ERP44: variants seen among roughly 807,000 people sequenced by gnomAD.
The protein encoded by ERP44 is endoplasmic reticulum protein 44.
In ERP44, 25 loss-of-function variants were observed where a neutral mutation model predicts 53.4. That is an observed-to-expected ratio of 0.47 (90% CI 0.34 to 0.65). ERP44 has a LOEUF of 0.65. ERP44 is among the 30% of genes least tolerant of loss of function. The probability of loss-of-function intolerance (pLI) is 0.01; values close to 1 mark genes in which losing one functional copy is unlikely to be tolerated. For missense variants in ERP44, 338 were observed against 493.2 expected, an observed-to-expected ratio of 0.69 and a Z score of 2.98; for synonymous variants, 145 against 161.2, an observed-to-expected ratio of 0.90 and a Z score of 0.76.
chr9:100,081,826 T>C (rs1319689923), intron 1 of ERP44, among the ~76,000 whole-genome samples: 2 of 152,052 alleles, frequency 1.3e-5, no homozygotes, highest in Non-Finnish European at 2.9e-5. Context: ...ACAAAGCAAT[T>C]AGGAAAAACG....
At chr9:100,073,685 C>G (rs1472432914) in intron 1 of ERP44, among the ~76,000 whole-genome samples, 1 of 152,156 alleles carries the variant, frequency 6.6e-6, no homozygotes, top group East Asian at 1.9e-4. Flanking sequence ...TTGACAAATA[C>G]ACAGCAACAG....
At chr9:100,027,706 AC>A (rs1354495186) in intron 4 of ERP44, among the ~76,000 whole-genome samples, 1 of 152,016 alleles carries the variant, frequency 6.6e-6, no homozygotes, top group Non-Finnish European at 1.5e-5. Flanking sequence ...CCTCACTAAT[AC>A]CCAGCAGGGT....
chr9:100,043,350 A>G (rs1210704372), intron 4 of ERP44, among the ~76,000 whole-genome samples: 2 of 150,224 alleles, frequency 1.3e-5, no homozygotes, highest in African/African-American at 4.9e-5. Flanking sequence ...AAACTAATTT[A>G]ATTGTACTTT....
intron 10 of ERP44, 130 bp from the exon 11 acceptor site, chr9:99,985,199 G>T (rs930487288): frequency 3.3e-6 from 2 of 611,876 alleles, no homozygotes; most frequent in Non-Finnish European, 5.8e-6. Context: ...TGCAGGCCAG[G>T]TATGTGTGAA....
intron 2 of ERP44, 115 bp downstream of exon 2, chr9:100,059,985 C>A: frequency 1.2e-6 from 1 of 856,746 alleles, no homozygotes; most frequent in Non-Finnish European, 1.6e-6. Flanking sequence ...AATCAGAATG[C>A]CAGCTCTTCA....
chr9:100,089,279 T>C (rs897897112), intron 1 of ERP44, among the ~76,000 whole-genome samples: 2 of 152,160 alleles, frequency 1.3e-5, no homozygotes, highest in Non-Finnish European at 2.9e-5. Flanking sequence ...ATGCTGGCAA[T>C]TAAGATATGC....
In ERP44 at chr9:99,979,687, G is replaced by A. The variant is rs918541651; in HGVS notation, c.*2925C>T. On this transcript the variant is annotated 3_prime_UTR_variant, in exon 12 of 12. Coordinates refer to ENST00000262455, the MANE Select transcript of ERP44 (RefSeq NM_015051.3). The stretch of plus-strand genomic sequence containing the variant: ...CCCTTTTGGTTCTGGGGACTCAACC[G>A]TGTTCTTCAGTCTGGTCTTGCATCC... 2.0e-5 allele frequency: 7 copies of A among 350,764 alleles called. No individual in the cohort carries two copies. Among genetic ancestry groups the A allele is most frequent in the Non-Finnish European group, 3.1e-5 (6 of 196,406 alleles). The allele number at this position is 350,764 out of a possible 1,614,324, so 21.7% of individuals were successfully genotyped here. A position where few individuals can be genotyped will look rare whatever the true frequency, so the allele number is the denominator to read the frequency against.
intron 1 of ERP44, among the ~76,000 whole-genome samples, chr9:100,080,339 G>A (rs1234166144): frequency 2.0e-5 from 3 of 152,058 alleles, no homozygotes; most frequent in Non-Finnish European, 4.4e-5. Flanking sequence ...CTTTAGGACT[G>A]AACATCTGCT....
intron 3 of ERP44, among the ~76,000 whole-genome samples, chr9:100,057,597 T>G (rs966329855): frequency 1.3e-5 from 2 of 152,232 alleles, no homozygotes; most frequent in African/African-American, 4.8e-5. Flanking sequence ...AGTTATATGT[T>G]ACTTGTTTTA....
At chr9:100,074,449 T>C (rs531070041) in intron 1 of ERP44, among the ~76,000 whole-genome samples, 1 of 152,348 alleles carries the variant, frequency 6.6e-6, no homozygotes, top group African/African-American at 2.4e-5. Context: ...GCATTCCTAC[T>C]TAATTTATAT....
At chr9:100,080,236 G>A (rs1028798807) in intron 1 of ERP44, among the ~76,000 whole-genome samples, 7 of 152,076 alleles carry the variant, frequency 4.6e-5, no homozygotes, top group Admixed American at 6.6e-5. Context: ...ACAATTGAAC[G>A]CTTGCTATGA....
At chr9:100,043,875 C>A (rs1027616839) in intron 4 of ERP44, among the ~76,000 whole-genome samples, 2 of 152,088 alleles carry the variant, frequency 1.3e-5, no homozygotes, top group African/African-American at 4.8e-5. Flanking sequence ...TGTTGTTCTA[C>A]AGCACTGTAG....
chr9:100,052,665 C>A, intron 3 of ERP44, 133 bp from the exon 4 acceptor site: 1 of 513,806 alleles, frequency 1.9e-6, no homozygotes, highest in Non-Finnish European at 3.5e-6. Flanking sequence ...TTAATTTAAT[C>A]ATGGACCCTG....
intron 6 of ERP44, among the ~76,000 whole-genome samples, chr9:100,019,021 G>A (rs1401859325): frequency 6.6e-6 from 1 of 152,166 alleles, no homozygotes; most frequent in African/African-American, 2.4e-5. Flanking sequence ...CTCTCTCATG[G>A]AGTTTACATT....
At chr9:100,030,068 C>T (rs1203843528) in intron 4 of ERP44, among the ~76,000 whole-genome samples, 1 of 152,150 alleles carries the variant, frequency 6.6e-6, no homozygotes, top group Non-Finnish European at 1.5e-5. Context: ...AGCCTGGCAA[C>T]AGAGCGAGAC....
intron 4 of ERP44, among the ~76,000 whole-genome samples, chr9:100,025,026 T>C (rs1830638140): frequency 6.6e-6 from 1 of 152,132 alleles, no homozygotes; most frequent in Non-Finnish European, 1.5e-5. Context: ...TATGGTAAGA[T>C]TGAGGCAGGA....
intron 4 of ERP44, among the ~76,000 whole-genome samples, chr9:100,049,136 A>T (rs1826008780): frequency 6.6e-6 from 1 of 152,228 alleles, no homozygotes; most frequent in Non-Finnish European, 1.5e-5. Flanking sequence ...AGGGCAGGGC[A>T]CAGTGGCTCA....
At chr9:100,033,704 G>A (rs192896681) in intron 4 of ERP44, among the ~76,000 whole-genome samples, 1 of 152,242 alleles carries the variant, frequency 6.6e-6, no homozygotes, top group Non-Finnish European at 1.5e-5. Flanking sequence ...GGTTTTTTCT[G>A]CTATTGAGAC....
At chr9:100,041,277 A>T (rs2118687730) in intron 4 of ERP44, among the ~76,000 whole-genome samples, 1 of 148,090 alleles carries the variant, frequency 6.8e-6, no homozygotes, top group Non-Finnish European at 1.5e-5. Flanking sequence ...TTAGGTTGGC[A>T]CAAAAGTAAT....
Sources: gnomAD v4.1 joint callset for allele counts (sites outside exome capture counted in the v4.1 genomes callset) on GRCh38, gnomAD v4.1.1 for gene constraint, MANE v1.5 for transcripts, NCBI Gene and HGNC (gene_info 2026-07-23, HGNC 2026-07-21) for gene names.